Variants in PEBP4 observed in about 807,000 individuals in gnomAD.
PEBP4 encodes phosphatidylethanolamine binding protein 4, also known as phosphatidylethanolamine-binding protein 4.
PEBP4 carries 22 observed loss-of-function variants against 23.9 expected under a neutral mutation model. That is an observed-to-expected ratio of 0.92 (90% CI 0.66 to 1.31). PEBP4 has a LOEUF of 1.31. Ranked by LOEUF, PEBP4 falls within the 40% of genes most tolerant of loss-of-function variation. PEBP4 has a pLI of 0.00. For missense variants in PEBP4, 324 were observed against 281.7 expected (o/e 1.15, Z -1.07); for synonymous variants, 112 against 99.3 (o/e 1.13, Z -0.76).
At chr8:22,806,388 G>A (rs924984314) in intron 4 of PEBP4, among the ~76,000 whole-genome samples, 5 of 151,982 alleles carry the variant, frequency 3.3e-5, no homozygotes, top group African/African-American at 1.2e-4. Context: ...AGGCTGAGGC[G>A]GGCAGAACAT....
chr8:22,881,621 G>A (rs1343171489), intron 3 of PEBP4, among the ~76,000 whole-genome samples: 3 of 152,192 alleles, frequency 2.0e-5, no homozygotes, highest in Admixed American at 2.0e-4. Context: ...TTCTCCCCAT[G>A]GGGCAATGCT....
intron 4 of PEBP4, among the ~76,000 whole-genome samples, chr8:22,780,384 C>T (rs181102926): frequency 8.3e-4 from 126 of 152,274 alleles, no homozygotes; most frequent in African/African-American, 2.9e-3. Flanking sequence ...CTTTCTGAGG[C>T]TTGGAGTAGC....
intron 6 of PEBP4, among the ~76,000 whole-genome samples, chr8:22,720,350 C>T (rs7828240): frequency 0.36 from 54,870 of 152,006 alleles, 10,543 homozygotes; most frequent in African/African-American, 0.49. Flanking sequence ...GGCCAGCAGC[C>T]GGGACTGGTG....
rs560633820 is a variant in PEBP4 at position 22,873,580 on chromosome 8, C to T, written c.258+46604G>A. Among the ~76,000 whole-genome samples the T allele has an allele frequency of 9.2e-5, 14 of 152,174 alleles. No individual in the cohort carries two copies. The East Asian group carries it at 2.5e-3, about 27-fold the overall frequency. The stretch of plus-strand genomic sequence containing the variant: ...CCAGGTGTTCAAGGCTGCAGTGAGC[C>T]GTGATTGTGCCACTGCACTCCAGCC... On this transcript the variant is annotated intron_variant, in intron 3 of 6. Transcript: ENST00000256404.
chr8:22,934,195 G>A (rs1585163734), intron 1 of PEBP4, among the ~76,000 whole-genome samples: 1 of 151,994 alleles, frequency 6.6e-6, no homozygotes, highest in African/African-American at 2.4e-5. Flanking sequence ...TGAGTTTTGC[G>A]GGGCACAAAT....
rs528263059 is a variant in PEBP4, at chr8:22,917,221, C to T, written c.258+2963G>A. Among the ~76,000 whole-genome samples, 75 of 152,250 alleles carry T rather than the reference C, an allele frequency of 4.9e-4. 2 individuals are homozygous for T. The South Asian group carries it at 0.015, about 30-fold the overall frequency. On this transcript the variant is annotated intron_variant, in intron 3 of 6. Coordinates refer to ENST00000256404, the MANE Select transcript of PEBP4 (RefSeq NM_144962.3). ...GAAGCAATGCACCATCCCCACATAG[C>T]AGTCACCAACTCGTGCCCTTCTCCA...
chr8:22,888,300 C>T lies in PEBP4; in HGVS notation c.258+31884G>A, dbSNP rs375138605. Among the ~76,000 whole-genome samples, 172 of 152,108 alleles carry T rather than the reference C, an allele frequency of 1.1e-3. 1 individual carries two copies. Among genetic ancestry groups the T allele is most frequent in the Admixed American group, 6.5e-3 (99 of 15,278 alleles). ...TCCTGAGTAGCTGGGATTACAGGCT[C>T]GTGCCACCAAGCCCAGCTGATTTTT... On this transcript the variant is annotated intron_variant, in intron 3 of 6. Transcript: ENST00000256404.
At chr8:22,797,702 G>A (rs558263651) in intron 4 of PEBP4, among the ~76,000 whole-genome samples, 2 of 152,290 alleles carry the variant, frequency 1.3e-5, no homozygotes, top group South Asian at 2.1e-4. Flanking sequence ...TGAAGGAACC[G>A]GGGGAAGAGA....
At chr8:22,789,890 G>C (rs1173139253) in intron 4 of PEBP4, among the ~76,000 whole-genome samples, 1 of 152,268 alleles carries the variant, frequency 6.6e-6, no homozygotes, top group African/African-American at 2.4e-5. Context: ...GCAACGGGCA[G>C]ATGCCCTGTA....
At chr8:22,853,901 G>A (rs1358457427) in intron 3 of PEBP4, among the ~76,000 whole-genome samples, 1 of 152,172 alleles carries the variant, frequency 6.6e-6, no homozygotes, top group East Asian at 1.9e-4. Flanking sequence ...CAACAATTAT[G>A]CCAACTGCTT....
intron 4 of PEBP4, among the ~76,000 whole-genome samples, chr8:22,770,053 G>C (rs1051511234): frequency 6.6e-6 from 1 of 152,126 alleles, no homozygotes; most frequent in Admixed American, 6.5e-5. Flanking sequence ...CTCTGCCTTC[G>C]AAATGCTTCA....
At chr8:22,807,510 A>C (rs1806522906) in intron 4 of PEBP4, among the ~76,000 whole-genome samples, 1 of 152,218 alleles carries the variant, frequency 6.6e-6, no homozygotes, top group South Asian at 2.1e-4. Flanking sequence ...ATAGGAGGGG[A>C]AACTCTTAGT....
At chr8:22,781,108 C>T (rs1325575716) in intron 4 of PEBP4, among the ~76,000 whole-genome samples, 1 of 152,240 alleles carries the variant, frequency 6.6e-6, no homozygotes, top group Non-Finnish European at 1.5e-5. Context: ...TGACCCTTTG[C>T]CCCCTGCTGG....
chr8:22,795,693 A>C (rs546053250), intron 4 of PEBP4, among the ~76,000 whole-genome samples: 16 of 152,300 alleles, frequency 1.1e-4, no homozygotes, highest in African/African-American at 3.8e-4. Context: ...TAATTTGGGG[A>C]ATGTTGATTT....
At chr8:22,920,808 C>T (rs2128780773) in intron 2 of PEBP4, among the ~76,000 whole-genome samples, 1 of 152,360 alleles carries the variant, frequency 6.6e-6, no homozygotes, top group East Asian at 1.9e-4. Flanking sequence ...CAATCAAGAG[C>T]TCCCCATGCC....
chr8:22,920,411 G>T, intron 2 of PEBP4, 101 bp from the exon 3 acceptor site: 1 of 1,340,954 alleles, frequency 7.5e-7, no homozygotes, highest in Non-Finnish European at 1.0e-6. Flanking sequence ...AAGTGAAATG[G>T]GATCAAATCC....
At chr8:22,759,138 AG>A (rs1805450385) in intron 4 of PEBP4, among the ~76,000 whole-genome samples, 1 of 152,106 alleles carries the variant, frequency 6.6e-6, no homozygotes, top group Admixed American at 6.5e-5. Flanking sequence ...GCTCAGGGAA[AG>A]GTGGGGGTAG....
At chr8:22,870,292 A>C (rs1381639395) in intron 3 of PEBP4, among the ~76,000 whole-genome samples, 1 of 152,270 alleles carries the variant, frequency 6.6e-6, no homozygotes, top group African/African-American at 2.4e-5. Context: ...AAAGACGCAG[A>C]GGAATCTTAA....
chr8:22,855,000 GCACACACACACACA>G lies in PEBP4; in HGVS notation c.259-37279_259-37266del, dbSNP rs200500141. On this transcript the variant is annotated intron_variant, in intron 3 of 6. Transcript: ENST00000256404. ...TGAGTGTGTATGTGTGAGTATGCAC[GCACACACACACACA>G]CACACACACACACACACACACACAC... Among the ~76,000 whole-genome samples, 21 of 73,700 alleles carry G rather than the reference GCACACACACACACA, an allele frequency of 2.8e-4. 1 individual carries two copies. Among genetic ancestry groups the G allele is most frequent in the Non-Finnish European group, 8.8e-5 (3 of 33,980 alleles). 48.4% of individuals were successfully genotyped at this position (73,700 alleles called of 152,430 possible). A position where few individuals can be genotyped will look rare whatever the true frequency, so the allele number is the denominator to read the frequency against.
Sources: gnomAD v4.1 joint callset for allele counts (sites outside exome capture counted in the v4.1 genomes callset) on GRCh38, gnomAD v4.1.1 for gene constraint, MANE v1.5 for transcripts, NCBI Gene and HGNC (gene_info 2026-07-23, HGNC 2026-07-21) for gene names.